SGSH: variants seen among roughly 807,000 people sequenced by gnomAD.
SGSH encodes the protein N-sulfoglucosamine sulfohydrolase, also known as heparan sulfate sulfatase.
In SGSH, 48 loss-of-function variants were observed where a neutral mutation model predicts 51.0. The ratio of observed to expected loss-of-function variants is 0.94; its 90% CI spans 0.75 to 1.20. SGSH has a LOEUF of 1.20. Ranked by LOEUF, SGSH falls within the 50% of genes most tolerant of loss-of-function variation. The pLI, the probability that SGSH is intolerant of heterozygous loss-of-function variation, is 0.00. For synonymous variants in SGSH, 321 were observed against 313.4 expected, an observed-to-expected ratio of 1.02 and a Z score of -0.26; for missense variants, 662 against 717.8, an observed-to-expected ratio of 0.92 and a Z score of 0.89.
Position 80,214,155 on chromosome 17 carries a change from A to C in SGSH, c.663+17T>G, listed in dbSNP as rs6565647. On this transcript the variant is annotated intron_variant, in intron 5 of 7. Transcript: ENST00000326317. ...AGGGCTGACGGGCGTCCTGAAACAC[A>C]GGAGGGGCCGTCCTACCAGCACGTC... The C allele has an allele frequency of 1.9e-6, 3 of 1,599,240 alleles. No individual in the cohort carries two copies. The highest frequency in any genetic ancestry group is 2.7e-5 in the African/African-American group (2 of 74,726).
chr17:80,218,233 C>A (rs750644780), intron 1 of SGSH, among the ~76,000 whole-genome samples: 1 of 152,234 alleles, frequency 6.6e-6, no homozygotes, highest in Non-Finnish European at 1.5e-5. Flanking sequence ...TATGTGTGTG[C>A]GTCCCACCGC....
intron 1 of SGSH, among the ~76,000 whole-genome samples, chr17:80,218,936 G>T (rs921403458): frequency 2.6e-5 from 4 of 152,146 alleles, no homozygotes; most frequent in Non-Finnish European, 5.9e-5. Context: ...AAGGCAGGAA[G>T]ATTGCTTGAG....
intron 2 of SGSH, 103 bp downstream of exon 2, chr17:80,216,929 A>AC: frequency 8.6e-7 from 1 of 1,167,102 alleles, no homozygotes; most frequent in Non-Finnish European, 1.2e-6. Flanking sequence ...AGTGGGCAAC[A>AC]CCCCCCGGGA....
the SGSH span, chr17:80,201,228 G>C: frequency 3.0e-3 from 480 of 160,042 alleles, 3 homozygotes; most frequent in Non-Finnish European, 5.4e-3. This position sits in a 1 kb window ranked among gnomAD's most constrained non-coding sequence, Gnocchi z 5.0. Context: ...GAACAATATT[G>C]AGAAGAAATG....
Position 80,210,440 on chromosome 17 carries a change from C to T in SGSH, c.*12G>A. The T allele has an allele frequency of 1.9e-6, 3 of 1,586,562 alleles. No homozygotes were observed. The highest frequency in any genetic ancestry group is 1.7e-6 in the Non-Finnish European group (2 of 1,172,230). ...ACATGCCTGGGATGTGTGCACAGGC[C>T]TCCTGGGATGGTCACAGCTCATTGT... On this transcript the variant is annotated 3_prime_UTR_variant, in exon 8 of 8. Coordinates refer to ENST00000326317, the MANE Select transcript of SGSH (RefSeq NM_000199.5).
chr17:80,211,729 G>A (rs908387846), intron 7 of SGSH: 8 of 386,454 alleles, frequency 2.1e-5, no homozygotes, highest in South Asian at 1.1e-4. Context: ...AAGATCTACT[G>A]AATCGGACAC....
intron 1 of SGSH, among the ~76,000 whole-genome samples, chr17:80,218,773 CAA>C: frequency 6.6e-6 from 1 of 152,190 alleles, no homozygotes; most frequent in Non-Finnish European, 1.5e-5. Context: ...GCCCTAACGT[CAA>C]CATCACTGTA....
rs769316353 is a variant in SGSH at position 80,213,791 on chromosome 17, T to A, written c.745+13A>T. 3 of 1,593,688 alleles carry A rather than the reference T, an allele frequency of 1.9e-6. No individual in the cohort carries two copies. The South Asian group carries it at 3.4e-5, about 18-fold the overall frequency. ...CGTGGCACCCCCTCCAGTGCCCGGTTCTGCAAGCCCACCTTGGTCCATGCG... is the reference window on the plus strand; with the variant it reads ...CGTGGCACCCCCTCCAGTGCCCGGTACTGCAAGCCCACCTTGGTCCATGCG... On this transcript the variant is annotated intron_variant, in intron 6 of 7. Coordinates refer to ENST00000326317, the MANE Select transcript of SGSH (RefSeq NM_000199.5). The surrounding 1 kb of genome is among the most constrained non-coding windows in gnomAD (Gnocchi z 4.6).
chr17:80,202,486 C>T (rs754141307), downstream of SGSH: 346 of 1,564,116 alleles, frequency 2.2e-4, no homozygotes, highest in Non-Finnish European at 2.6e-4. Context: ...ACCCAGCCTG[C>T]CTCGGCTTCC....
downstream of SGSH, chr17:80,204,661 C>CTCCAGG (rs910875948): frequency 3.9e-5 from 15 of 386,968 alleles, no homozygotes; most frequent in South Asian, 4.7e-4. Context: ...GAGTACAGGA[C>CTCCAGG]AGAGGGAGGG....
chr17:80,210,332 T>C lies in SGSH; in HGVS notation c.*120A>G. 6.9e-7 allele frequency: 1 copy of C among 1,445,686 alleles called. No homozygotes were observed. The highest frequency in any genetic ancestry group is 9.1e-7 in the Non-Finnish European group (1 of 1,102,130). The allele number at this position is 1,445,686 out of a possible 1,614,324, so 89.6% of individuals were successfully genotyped here. Reference sequence around the variant, plus strand: ...CCCCACAGGAAGGAAGAACCCTCCTTGGATGGGAGTGTGGACGGAAGGGCT... The same window carrying C: ...CCCCACAGGAAGGAAGAACCCTCCTCGGATGGGAGTGTGGACGGAAGGGCT... On this transcript the variant is annotated 3_prime_UTR_variant, in exon 8 of 8. Transcript: ENST00000326317.
intron 1 of SGSH, 132 bp from the exon 2 acceptor site, chr17:80,217,324 AAC>A (rs1162696131): frequency 9.8e-7 from 1 of 1,024,958 alleles, no homozygotes; most frequent in Admixed American, 2.0e-5. Flanking sequence ...GCTCAGTGTG[AAC>A]ACTCAGCGCG....
chr17:80,220,330 A>G lies in SGSH; in HGVS notation c.-17T>C, dbSNP rs751812573. ...GCAGCTCATGGCGGCGGCGGCTCGG[A>G]CTCGGGATCGGGATCCGGCTCCGGC... On this transcript the variant is annotated 5_prime_UTR_variant, in exon 1 of 8. Transcript: ENST00000326317. 1 of 1,481,212 alleles carries G rather than the reference A, an allele frequency of 6.8e-7. No individual in the cohort carries two copies. The highest frequency in any genetic ancestry group is 8.9e-7 in the Non-Finnish European group (1 of 1,121,346). 91.8% of individuals were successfully genotyped at this position (1,481,212 alleles called of 1,614,324 possible). A position where few individuals can be genotyped will look rare whatever the true frequency, so the allele number is the denominator to read the frequency against.
intron 1 of SGSH, among the ~76,000 whole-genome samples, chr17:80,217,881 G>A (rs117101095): frequency 1.2e-4 from 18 of 151,756 alleles, no homozygotes; most frequent in East Asian, 7.8e-4. Flanking sequence ...CATGATACCC[G>A]GTGGGTATGT....
At position 80,213,654 on chromosome 17, in the gene SGSH, T is replaced by A; in HGVS notation, c.745+150A>T. The stretch of plus-strand genomic sequence containing the variant: ...GGTCCTGATGCCACCCACAGGCCCC[T>A]CCTCTCAATGTGGGCTCTGCCAGCT... On this transcript the variant is annotated intron_variant, in intron 6 of 7. Coordinates refer to ENST00000326317, the MANE Select transcript of SGSH (RefSeq NM_000199.5). The surrounding 1 kb of genome is among the most constrained non-coding windows in gnomAD (Gnocchi z 4.6). 1.4e-6 allele frequency: 1 copy of A among 736,770 alleles called. No homozygotes were observed. Among genetic ancestry groups the A allele is most frequent in the Non-Finnish European group, 2.3e-6 (1 of 437,542 alleles). 45.6% of individuals were successfully genotyped at this position (736,770 alleles called of 1,614,324 possible). A position where few individuals can be genotyped will look rare whatever the true frequency, so the allele number is the denominator to read the frequency against.
intron 1 of SGSH, among the ~76,000 whole-genome samples, chr17:80,217,418 G>C (rs896832601): frequency 2.6e-5 from 4 of 152,210 alleles, no homozygotes; most frequent in African/African-American, 9.7e-5. Flanking sequence ...GGTATCAGAG[G>C]GCATGTTAGC....
downstream of SGSH, chr17:80,207,026 G>A (rs1208933512): frequency 1.2e-6 from 2 of 1,614,082 alleles, no homozygotes; most frequent in Non-Finnish European, 1.7e-6. Flanking sequence ...TGCACAGGAT[G>A]GACATCTTCC....
At chr17:80,201,198 T>C in the SGSH span, 2 of 154,602 alleles carry the variant, frequency 1.3e-5, no homozygotes, top group South Asian at 3.9e-4. The surrounding 1 kb of genome is among the most constrained non-coding windows in gnomAD (Gnocchi z 5.0). Flanking sequence ...ATTGTAAAAA[T>C]ATCTACTCTC....
chr17:80,210,807 C>T lies in SGSH; in HGVS notation c.1154G>A (p.Arg385His), dbSNP rs944844493. ...PMRSVQHRHF[R>H]LVHNLNFKMP... Reference sequence around the variant, plus strand: ...CTTGAAGTTGAGGTTGTGCACGAGGCGGAAGTGCCGGTGCTGCACGGAGCG... The same window carrying T: ...CTTGAAGTTGAGGTTGTGCACGAGGTGGAAGTGCCGGTGCTGCACGGAGCG... The change falls in exon 8 of 8, where the codon CGC becomes CAC. Residue 385 changes from arginine (R) to histidine (H), a missense_variant. Transcript: ENST00000326317. The T allele has an allele frequency of 9.3e-6, 15 of 1,613,936 alleles. No homozygotes were observed. The highest frequency in any genetic ancestry group is 5.3e-5 in the African/African-American group (4 of 74,918).
Sources: gnomAD v4.1 joint callset for allele counts (sites outside exome capture counted in the v4.1 genomes callset) on GRCh38, gnomAD v4.1.1 for gene constraint, Gnocchi (gnomAD v3.1) non-coding constraint, MANE v1.5 for transcripts, NCBI Gene and HGNC (gene_info 2026-07-23, HGNC 2026-07-21) for gene names.